ADRA1B: variants seen among roughly 807,000 people sequenced by gnomAD.
The protein encoded by ADRA1B is alpha-1B adrenergic receptor.
Under a neutral mutation model 17.9 loss-of-function variants are expected in ADRA1B, and 17 were observed. The ratio of observed to expected loss-of-function variants is 0.95; its 90% CI spans 0.65 to 1.42. The LOEUF (loss-of-function observed/expected upper bound fraction) is 1.42. Among genes scored for constraint, ADRA1B ranks in the 40% most tolerant of loss-of-function variants. ADRA1B has a pLI of 0.00. For synonymous variants in ADRA1B, 366 were observed against 327.6 expected (o/e 1.12, Z -1.27); for missense variants, 681 against 722.1 (o/e 0.94, Z 0.65).
intron 1 of ADRA1B, among the ~76,000 whole-genome samples, chr5:159,874,835 G>A (rs1753785059): frequency 6.6e-6 from 1 of 152,196 alleles, no homozygotes; most frequent in Non-Finnish European, 1.5e-5. Context: ...CTTCCCTAGA[G>A]GGCCCCGTTT....
At chr5:159,866,249 T>C (rs1399676192) in intron 1 of ADRA1B, among the ~76,000 whole-genome samples, 1 of 142,776 alleles carries the variant, frequency 7.0e-6, no homozygotes, top group African/African-American at 2.6e-5. Context: ...AACGCTGCAG[T>C]GAGCAATGAT....
chr5:159,868,329 A>G (rs1040987334), intron 1 of ADRA1B: 13 of 152,296 alleles, frequency 8.5e-5, no homozygotes, highest in Non-Finnish European at 5.9e-5. Flanking sequence ...GGAGAGTTAC[A>G]ATTTCCTATG....
chr5:159,892,396 G>A (rs1753992265), intron 1 of ADRA1B, among the ~76,000 whole-genome samples: 1 of 152,138 alleles, frequency 6.6e-6, no homozygotes, highest in South Asian at 2.1e-4. Context: ...GTAAACATGT[G>A]CCGTGGTGGT....
rs187904417 is a variant in ADRA1B at position 159,969,457 on chromosome 5, C to A, written c.950-2422C>A. On this transcript the variant is annotated intron_variant, in intron 1 of 1. Transcript: ENST00000306675. ...TACAGAGAAGAAATTCAAGAGCAAT[C>A]CAAAATCAAAGATGGGAATCCTTGT... Among the ~76,000 whole-genome samples, 333 of 152,226 alleles carry A rather than the reference C, an allele frequency of 2.2e-3. 1 individual carries two copies. Among genetic ancestry groups the A allele is most frequent in the Middle Eastern group, 6.8e-3 (2 of 294 alleles).
At chr5:159,980,326 G>T in the ADRA1B span, among the ~76,000 whole-genome samples, 1 of 152,182 alleles carries the variant, frequency 6.6e-6, no homozygotes, top group East Asian at 1.9e-4. Flanking sequence ...GGAGGAAAAT[G>T]ACACTCTAAA....
intron 1 of ADRA1B, among the ~76,000 whole-genome samples, chr5:159,938,934 C>A (rs551152222): frequency 1.3e-5 from 2 of 152,178 alleles, no homozygotes; most frequent in Non-Finnish European, 2.9e-5. Flanking sequence ...ACTATCTTAG[C>A]TTTCCAAAAG....
chr5:159,883,777 T>C (rs931738976), intron 1 of ADRA1B, among the ~76,000 whole-genome samples: 2 of 152,234 alleles, frequency 1.3e-5, no homozygotes, highest in Non-Finnish European at 2.9e-5. Context: ...TGAACCATAA[T>C]TCACTTTGCC....
At chr5:159,938,197 GC>G in intron 1 of ADRA1B, among the ~76,000 whole-genome samples, 1 of 152,288 alleles carries the variant, frequency 6.6e-6, no homozygotes, top group East Asian at 1.9e-4. Context: ...CTACACACCA[GC>G]AACTATCAAA....
chr5:159,878,983 C>G (rs959849995), intron 1 of ADRA1B, among the ~76,000 whole-genome samples: 8 of 152,118 alleles, frequency 5.3e-5, no homozygotes, highest in Non-Finnish European at 1.0e-4. Flanking sequence ...AGCAAAGAGC[C>G]AGCTGCCTCC....
intron 1 of ADRA1B, among the ~76,000 whole-genome samples, chr5:159,967,964 T>C (rs949046313): frequency 1.3e-5 from 2 of 152,128 alleles, no homozygotes; most frequent in Non-Finnish European, 2.9e-5. Context: ...CGCGCAGACA[T>C]AGGGGGAAAG....
At position 159,969,928 on chromosome 5, in the gene ADRA1B, A is replaced by AT. The variant is rs67558049; in HGVS notation, c.950-1944dup. 7.2e-3 allele frequency among the ~76,000 whole-genome samples: 1,086 copies of AT among 151,236 alleles called. 7 individuals carry two copies. Among genetic ancestry groups the AT allele is most frequent in the Non-Finnish European group, 0.011 (733 of 67,876 alleles). On this transcript the variant is annotated intron_variant, in intron 1 of 1. Transcript: ENST00000306675. Reference sequence around the variant, plus strand: ...CTTTACACAGAGTATTATTAATTGCATTTTTTTAAAAAAAAAACACATTTT... The same window carrying AT: ...CTTTACACAGAGTATTATTAATTGCATTTTTTTTAAAAAAAAAACACATTTT...
intron 1 of ADRA1B, 24 bp from the exon 2 acceptor site, chr5:159,971,855 T>TGGGGGGG (rs2113299026): frequency 6.9e-6 from 3 of 435,062 alleles, no homozygotes; most frequent in Non-Finnish European, 1.1e-5. Flanking sequence ...TTTCTGCCCG[T>TGGGGGGG]GCCCACCCCC....
upstream of ADRA1B, among the ~76,000 whole-genome samples, chr5:159,913,660 C>CT (rs1222950884): frequency 2.6e-5 from 4 of 151,692 alleles, no homozygotes; most frequent in South Asian, 2.1e-4. Flanking sequence ...CAGATTTGCT[C>CT]TTTTTTTTTC....
At chr5:159,889,201 C>T (rs1001896404) in intron 1 of ADRA1B, among the ~76,000 whole-genome samples, 3 of 152,150 alleles carry the variant, frequency 2.0e-5, no homozygotes, top group Non-Finnish European at 4.4e-5. Context: ...TGTGATGCAC[C>T]TCATGGAAGG....
chr5:159,974,389 C>T (rs572680006), downstream of ADRA1B, among the ~76,000 whole-genome samples: 1 of 152,306 alleles, frequency 6.6e-6, no homozygotes, highest in East Asian at 1.9e-4. Context: ...TATCCCAGCA[C>T]TTTGGGAGGC....
chr5:159,923,294 C>A (rs895270978), intron 1 of ADRA1B, among the ~76,000 whole-genome samples: 14 of 152,262 alleles, frequency 9.2e-5, no homozygotes, highest in Non-Finnish European at 1.9e-4. Flanking sequence ...CTGTCTGAAT[C>A]GTGTCTTTTA....
chr5:159,965,105 C>T (rs949157608), intron 1 of ADRA1B, among the ~76,000 whole-genome samples: 1 of 152,186 alleles, frequency 6.6e-6, no homozygotes, highest in South Asian at 2.1e-4. Flanking sequence ...CACTAAACTC[C>T]ACTGCCTCAA....
chr5:159,952,488 C>T (rs1561606449), intron 1 of ADRA1B, among the ~76,000 whole-genome samples: 2 of 152,128 alleles, frequency 1.3e-5, no homozygotes, highest in East Asian at 1.9e-4. Flanking sequence ...AACTACTGTC[C>T]TTGGCTTCCT....
chr5:159,937,051 T>G (rs899180247), intron 1 of ADRA1B, among the ~76,000 whole-genome samples: 15 of 151,654 alleles, frequency 9.9e-5, no homozygotes, highest in Non-Finnish European at 2.2e-4. Context: ...AAACTGGAGG[T>G]GCAACCCAAG....
Sources: allele counts gnomAD v4.1 joint callset (sites outside exome capture counted in the v4.1 genomes callset), GRCh38; gene constraint gnomAD v4.1.1; transcripts MANE v1.5; gene names NCBI Gene and HGNC (gene_info 2026-07-23, HGNC 2026-07-21).